Variants in HIVEP3 observed in about 807,000 individuals in gnomAD.
The protein encoded by HIVEP3 is HIVEP zinc finger 3, also known as transcription factor HIVEP3.
A neutral mutation model predicts 152.8 loss-of-function variants in HIVEP3; 49 were observed. That is an observed-to-expected ratio of 0.32 (90% CI 0.26 to 0.41). HIVEP3 has a LOEUF of 0.41. Among genes scored for constraint, HIVEP3 ranks in the 10% least tolerant of loss-of-function variants. The pLI, the probability that HIVEP3 is intolerant of heterozygous loss-of-function variation, is 1.00. For synonymous variants in HIVEP3, 1,269 were observed against 1,289.0 expected (o/e 0.98, Z 0.33); for missense variants, 2,790 against 3,103.3 (o/e 0.90, Z 2.40).
chr1:41,714,265 A>G (rs1558203481), intron 1 of HIVEP3, among the ~76,000 whole-genome samples: 1 of 152,098 alleles, frequency 6.6e-6, no homozygotes, highest in Non-Finnish European at 1.5e-5. Flanking sequence ...GGCAAAAGAG[A>G]GAGGGAGGTG....
chr1:41,901,342 A>C (rs1644619594), intron 1 of HIVEP3, among the ~76,000 whole-genome samples: 1 of 152,078 alleles, frequency 6.6e-6, no homozygotes, highest in South Asian at 2.1e-4. Flanking sequence ...GGCTGCATTT[A>C]CAATCAGTTC....
Position 41,524,742 on chromosome 1 carries a change from T to C in HIVEP3, c.5376A>G (p.Lys1792=). 1 of 1,613,766 alleles carries C rather than the reference T, an allele frequency of 6.2e-7. No individual in the cohort carries two copies. Among genetic ancestry groups the C allele is most frequent in the Admixed American group, 1.7e-5 (1 of 60,018 alleles). The change falls in exon 6 of 9, where the codon AAA becomes AAG. Residue 1792 remains lysine (K), a synonymous_variant. Coordinates refer to ENST00000372583, the MANE Select transcript of HIVEP3 (RefSeq NM_024503.5). ...CAGCTGACTCTCTCTTACCTTTGGTTTTAAAAGCAAAGTGACAGTGCTTGC... is the reference window on the plus strand; with the variant it reads ...CAGCTGACTCTCTCTTACCTTTGGTCTTAAAAGCAAAGTGACAGTGCTTGC... The part of the protein sequence containing the change: ...YVCKHCHFAF[K]TKGNLTKHMK...
chr1:41,772,997 C>T (rs1374849180), intron 1 of HIVEP3, among the ~76,000 whole-genome samples: 2 of 152,188 alleles, frequency 1.3e-5, no homozygotes, highest in Non-Finnish European at 2.9e-5. Flanking sequence ...ACTGCATATG[C>T]CCCACAGATT....
intron 1 of HIVEP3, among the ~76,000 whole-genome samples, chr1:41,906,873 T>C (rs990387915): frequency 2.0e-5 from 3 of 150,500 alleles, no homozygotes; most frequent in Admixed American, 2.0e-4. Flanking sequence ...CCCTCCTTTC[T>C]GTCTCTCCTC....
chr1:41,835,417 T>A (rs1643093208), intron 1 of HIVEP3, among the ~76,000 whole-genome samples: 1 of 152,184 alleles, frequency 6.6e-6, no homozygotes, highest in Admixed American at 6.5e-5. Flanking sequence ...CTCTCTGGTG[T>A]CTCTTCACAT....
rs779779392 is a variant in HIVEP3, at chr1:41,513,056, G to A, written c.6165C>T (p.Leu2055=). ...GGAGGCCTGGGTCGGTGGTACCCTC[G>A]AGTTTGGAGAGCACATGTGCTCGAG... The part of the protein sequence containing the change: ...LAPRAHVLSK[L]EGTTDPGLPR... The change falls in exon 8 of 9, where the codon CTC becomes CTT. Residue 2055 remains leucine, a synonymous_variant. Coordinates refer to ENST00000372583, the MANE Select transcript of HIVEP3 (RefSeq NM_024503.5). 12 of 1,613,822 alleles carry A rather than the reference G, an allele frequency of 7.4e-6. No homozygotes were observed. Among genetic ancestry groups the A allele is most frequent in the African/African-American group, 2.7e-5 (2 of 75,042 alleles).
chr1:41,699,619 G>A (rs1170148078), intron 2 of HIVEP3, among the ~76,000 whole-genome samples: 1 of 152,162 alleles, frequency 6.6e-6, no homozygotes, highest in Non-Finnish European at 1.5e-5. Flanking sequence ...CAGTCCTGTG[G>A]CTGGAGTGGC....
intron 2 of HIVEP3, among the ~76,000 whole-genome samples, chr1:41,663,947 A>G (rs562517629): frequency 6.6e-6 from 1 of 152,260 alleles, no homozygotes; most frequent in South Asian, 2.1e-4. Context: ...ACACTTCCTG[A>G]TCTGGCATGC....
intron 5 of HIVEP3, among the ~76,000 whole-genome samples, chr1:41,570,000 A>G (rs187331034): frequency 8.7e-4 from 132 of 152,370 alleles, no homozygotes; most frequent in African/African-American, 3.1e-3. Context: ...GGGTGGGTTC[A>G]CTGATGTGCA....
chr1:41,575,696 C>A lies in HIVEP3; in HGVS notation c.5062-7G>T. ...CCAGTGAAGGGAGGTGAACCTGGCC[C>A]ACCGCAGGAATGACAAAATCATTGC... On this transcript the variant is annotated splice_region_variant and splice_polypyrimidine_tract_variant and intron_variant, in intron 4 of 8. Coordinates refer to ENST00000372583, the MANE Select transcript of HIVEP3 (RefSeq NM_024503.5). 6.2e-7 allele frequency: 1 copy of A among 1,613,548 alleles called. No individual in the cohort carries two copies.
intron 5 of HIVEP3, among the ~76,000 whole-genome samples, chr1:41,545,566 C>CCACCACCACCACCATCACCAT: frequency 3.0e-5 from 1 of 32,788 alleles, no homozygotes; most frequent in East Asian, 7.4e-4. Context: ...ACTACCATCA[C>CCACCACCACCACCATCACCAT]CACCACCACC....
intron 1 of HIVEP3, among the ~76,000 whole-genome samples, chr1:41,999,330 G>A (rs764465966): frequency 3.3e-5 from 5 of 152,086 alleles, no homozygotes; most frequent in Non-Finnish European, 5.9e-5. Flanking sequence ...TCTCATTCTT[G>A]ATCATTAAAG....
At chr1:41,531,437 AGACAGGGGAGATGGAG>A (rs1643249692) in intron 5 of HIVEP3, among the ~76,000 whole-genome samples, 1 of 34,618 alleles carries the variant, frequency 2.9e-5, no homozygotes. Flanking sequence ...GGGAGATGGA[AGACAGGGGAGATGGAG>A]GACATGAGAG....
intron 1 of HIVEP3, among the ~76,000 whole-genome samples, chr1:41,744,779 A>G (rs1647048391): frequency 6.6e-6 from 1 of 152,226 alleles, no homozygotes; most frequent in Admixed American, 6.5e-5. Flanking sequence ...ACATTCCAAC[A>G]CATACATATC....
upstream of HIVEP3, among the ~76,000 whole-genome samples, chr1:41,923,657 C>T (rs944775938): frequency 1.3e-5 from 2 of 152,054 alleles, no homozygotes; most frequent in Non-Finnish European, 2.9e-5. Context: ...AACGTTCTCA[C>T]CACAAAGAAA....
At chr1:41,853,351 G>A (rs1643657427) in intron 1 of HIVEP3, among the ~76,000 whole-genome samples, 1 of 152,146 alleles carries the variant, frequency 6.6e-6, no homozygotes, top group Admixed American at 6.5e-5. Flanking sequence ...CTGCATGGCT[G>A]GGGAGGCCTC....
At chr1:41,768,840 T>C (rs1373856227) in intron 1 of HIVEP3, among the ~76,000 whole-genome samples, 1 of 152,246 alleles carries the variant, frequency 6.6e-6, no homozygotes, top group Non-Finnish European at 1.5e-5. Flanking sequence ...CCCTGTTGGC[T>C]TTGCTTGGCC....
intron 1 of HIVEP3, among the ~76,000 whole-genome samples, chr1:41,886,953 C>T (rs979142053): frequency 4.6e-5 from 7 of 151,902 alleles, no homozygotes; most frequent in African/African-American, 1.7e-4. Flanking sequence ...GTGGGAATTA[C>T]ACAAAATATA....
Position 41,513,103 on chromosome 1 carries a change from G to A in HIVEP3, c.6118C>T (p.Pro2040Ser), listed in dbSNP as rs544279093. 5.6e-6 allele frequency: 9 copies of A among 1,613,886 alleles called. No homozygotes were observed. Among genetic ancestry groups the A allele is most frequent in the East Asian group, 2.2e-5 (1 of 44,884 alleles). The stretch of plus-strand genomic sequence containing the variant: ...CGAGGGGCCAGTTCTCTTCCCAGGG[G>A]GCAGAGGGTGAGAGGAGACAGCTGA... ...RLQLSPLTLC[P>S]LGRELAPRAH... is the part of the protein sequence containing the mutation. The change falls in exon 8 of 9, where the codon CCC (proline) becomes TCC (serine). Residue 2040 changes from proline to serine, a missense_variant. Around this residue, in one of 9 missense-constraint regions of HIVEP3, gnomAD observed 816 missense variants for 806.5 expected, o/e 1.01. Transcript: ENST00000372583.
Sources: allele counts gnomAD v4.1 joint callset (sites outside exome capture counted in the v4.1 genomes callset), GRCh38; gene constraint gnomAD v4.1.1; regional missense constraint gnomAD v4.1.1; transcripts MANE v1.5; gene names NCBI Gene and HGNC (gene_info 2026-07-23, HGNC 2026-07-21).